UBE2O: variants seen among roughly 807,000 people sequenced by gnomAD.
UBE2O encodes the protein ubiquitin conjugating enzyme E2 O, also known as (E3-independent) E2 ubiquitin-conjugating enzyme.
UBE2O carries 15 observed loss-of-function variants against 125.8 expected under a neutral mutation model. The ratio of observed to expected loss-of-function variants is 0.12; its 90% CI spans 0.08 to 0.18. The LOEUF (loss-of-function observed/expected upper bound fraction) is 0.18, where lower values mean the gene tolerates loss of function less well. UBE2O is among the 10% of genes least tolerant of loss of function. UBE2O has a pLI of 1.00. For synonymous variants in UBE2O, 708 were observed against 703.2 expected, an observed-to-expected ratio of 1.01 and a Z score of -0.11; for missense variants, 1,280 against 1,723.6, an observed-to-expected ratio of 0.74 and a Z score of 4.56.
chr17:76,452,519 C>G lies in UBE2O; in HGVS notation c.417+206G>C, dbSNP rs2073268583. Among the ~76,000 whole-genome samples, 1 of 152,226 alleles carries G rather than the reference C, an allele frequency of 6.6e-6. No individual in the cohort carries two copies. The highest frequency in any genetic ancestry group is 1.5e-5 in the Non-Finnish European group (1 of 68,034). ...CGGGAAGCCCAGGGCCCGCCCGGTC[C>G]CGGGCCAGCAGTGCCTGGCTGGCGT... On this transcript the variant is annotated intron_variant, in intron 1 of 17. Transcript: ENST00000319380. This position sits in a 1 kb window ranked among gnomAD's most constrained non-coding sequence, Gnocchi z 4.4.
At chr17:76,401,798 C>T (rs1199057990) in intron 5 of UBE2O, 6 of 268,714 alleles carry the variant, frequency 2.2e-5, no homozygotes, top group Admixed American at 1.6e-4. Context: ...ATCACTTGAA[C>T]CCGGGAGGTG....
rs2072094921 is a variant in UBE2O, at chr17:76,390,814, T to C, written c.*129A>G. The C allele has an allele frequency of 2.2e-6, 2 of 912,472 alleles. No homozygotes were observed. Among genetic ancestry groups the C allele is most frequent in the Non-Finnish European group, 3.3e-6 (2 of 613,012 alleles). The allele number at this position is 912,472 out of a possible 1,614,324, so 56.5% of individuals were successfully genotyped here. A position where few individuals can be genotyped will look rare whatever the true frequency, so the allele number is the denominator to read the frequency against. On this transcript the variant is annotated 3_prime_UTR_variant, in exon 18 of 18. Transcript: ENST00000319380. The stretch of plus-strand genomic sequence containing the variant: ...TTGCACTTCAGCATCAAACTCACCT[T>C]GGGGAGAAGAGGGCAGTGGGTTTGC...
intron 1 of UBE2O, among the ~76,000 whole-genome samples, chr17:76,424,207 C>A (rs1002621147): frequency 2.8e-5 from 3 of 105,288 alleles, no homozygotes; most frequent in African/African-American, 1.1e-4. Flanking sequence ...CGCGCCCGGC[C>A]TTTTTTTTTT....
intron 1 of UBE2O, among the ~76,000 whole-genome samples, chr17:76,414,105 C>G (rs1013081215): frequency 2.0e-5 from 3 of 152,126 alleles, no homozygotes; most frequent in Non-Finnish European, 4.4e-5. Flanking sequence ...GTTTTACCAG[C>G]AAAGCACAAA....
intron 1 of UBE2O, among the ~76,000 whole-genome samples, chr17:76,419,283 C>CAAAAAAAAAAAAAAAAAAAAA: frequency 1.6e-5 from 1 of 63,286 alleles, no homozygotes. Context: ...GACCCTATCT[C>CAAAAAAAAAAAAAAAAAAAAA]AAAAAAAAAA....
At chr17:76,445,114 T>C (rs937814157) in intron 1 of UBE2O, among the ~76,000 whole-genome samples, 1 of 152,340 alleles carries the variant, frequency 6.6e-6, no homozygotes, top group South Asian at 2.1e-4. Context: ...CCAGCTCTCT[T>C]GCAGGATGCA....
chr17:76,441,394 T>C, intron 1 of UBE2O, among the ~76,000 whole-genome samples: 1 of 152,230 alleles, frequency 6.6e-6, no homozygotes, highest in East Asian at 1.9e-4. Context: ...GAGGCAAGCC[T>C]TTCTAACACT....
At chr17:76,425,964 T>C (rs1221040367) in intron 1 of UBE2O, among the ~76,000 whole-genome samples, 5 of 152,100 alleles carry the variant, frequency 3.3e-5, no homozygotes, top group Non-Finnish European at 5.9e-5. Context: ...ACTCCTTCTA[T>C]CTCCTCCCCA....
intron 1 of UBE2O, among the ~76,000 whole-genome samples, chr17:76,435,689 A>G (rs2072985490): frequency 6.6e-6 from 1 of 152,112 alleles, no homozygotes; most frequent in Admixed American, 6.6e-5. Flanking sequence ...ACACTAAGCA[A>G]TCACAGGTCT....
chr17:76,424,211 T>TTC (rs1555608586), intron 1 of UBE2O, among the ~76,000 whole-genome samples: 4 of 146,236 alleles, frequency 2.7e-5, no homozygotes, highest in African/African-American at 1.0e-4. Flanking sequence ...CCCGGCCTTT[T>TTC]TTTTTTTTTT....
In UBE2O at chr17:76,402,514, T is replaced by C; in HGVS notation, c.686+88A>G. 3 of 1,143,930 alleles carry C rather than the reference T, an allele frequency of 2.6e-6. No homozygotes were observed. The highest frequency in any genetic ancestry group is 2.5e-5 in the South Asian group (2 of 78,838). The allele number at this position is 1,143,930 out of a possible 1,614,324, so 70.9% of individuals were successfully genotyped here. ...TGCCCTTGATCAAACCTGTCATCAC[T>C]GTCCCCAGGAGGAAACACCCTCCTC... On this transcript the variant is annotated intron_variant, in intron 4 of 17. Transcript: ENST00000319380. The surrounding 1 kb of genome is among the most constrained non-coding windows in gnomAD (Gnocchi z 5.4).
Position 76,395,994 on chromosome 17 carries a change from A to G in UBE2O, c.2810-133T>C, listed in dbSNP as rs763228276. 2.9e-5 allele frequency: 43 copies of G among 1,503,734 alleles called. No individual in the cohort carries two copies. Among genetic ancestry groups the G allele is most frequent in the African/African-American group, 4.2e-5 (3 of 71,936 alleles). The allele number at this position is 1,503,734 out of a possible 1,614,324, so 93.1% of individuals were successfully genotyped here. A position where few individuals can be genotyped will look rare whatever the true frequency, so the allele number is the denominator to read the frequency against. ...GCTGGCCTCAGCACTGTGACCACAC[A>G]GGGAAATGGTTTGCCCTGGGGCAGT... On this transcript the variant is annotated intron_variant, in intron 14 of 17. Transcript: ENST00000319380. This position sits in a 1 kb window ranked among gnomAD's most constrained non-coding sequence, Gnocchi z 5.0.
chr17:76,411,531 C>A (rs2143759238), intron 1 of UBE2O, among the ~76,000 whole-genome samples: 1 of 152,332 alleles, frequency 6.6e-6, no homozygotes, highest in South Asian at 2.1e-4. Context: ...GCACTTACAG[C>A]TCAAGGCTGG....
At chr17:76,416,202 G>GTATGTATATGTATATGTGTATATA (rs2072614118) in intron 1 of UBE2O, among the ~76,000 whole-genome samples, 1 of 151,440 alleles carries the variant, frequency 6.6e-6, no homozygotes, top group African/African-American at 2.4e-5. Context: ...ATGTGTATAT[G>GTATGTATATGTATATGTGTATATA]TGTGTGTATA....
Position 76,402,634 on chromosome 17 carries a change from G to A in UBE2O, c.654C>T (p.Asn218=), listed in dbSNP as rs765845761. 1 of 1,614,130 alleles carries A rather than the reference G, an allele frequency of 6.2e-7. No homozygotes were observed. Among genetic ancestry groups the A allele is most frequent in the Admixed American group, 1.7e-5 (1 of 60,022 alleles). Residue 218 remains asparagine (N), a synonymous_variant, in exon 4 of 18, where the codon AAC becomes AAT. Coordinates refer to ENST00000319380, the MANE Select transcript of UBE2O (RefSeq NM_022066.4). This position sits in a 1 kb window ranked among gnomAD's most constrained non-coding sequence, Gnocchi z 5.4. ...CGTTGGATAGCTTCAGGATGATCTG[G>A]TTCTTCAAGTCGTAGACCTTCCCCA... ...CWLGKVYDLK[N]QIILKLSNGA...
rs2072288983 is a variant in UBE2O at position 76,399,956 on chromosome 17, G to C, written c.1156-35C>G. On this transcript the variant is annotated intron_variant, in intron 8 of 17. Transcript: ENST00000319380. The surrounding 1 kb of genome is among the most constrained non-coding windows in gnomAD (Gnocchi z 6.9). The stretch of plus-strand genomic sequence containing the variant: ...CGGAGCAGAGAGGACAGGGCTGTGA[G>C]GTGCACCTGGGCAGGCCTGGCCCTA... 6.4e-7 allele frequency: 1 copy of C among 1,567,976 alleles called. No individual in the cohort carries two copies. Among genetic ancestry groups the C allele is most frequent in the Non-Finnish European group, 8.6e-7 (1 of 1,156,834 alleles).
chr17:76,398,754 T>C lies in UBE2O; in HGVS notation c.1783+83A>G. The stretch of plus-strand genomic sequence containing the variant: ...ACCTCATTTTAGCTCTGACCCCAGA[T>C]CCACTGCCCATTCTCCACAAGCCCC... On this transcript the variant is annotated intron_variant, in intron 10 of 17. Coordinates refer to ENST00000319380, the MANE Select transcript of UBE2O (RefSeq NM_022066.4). This position sits in a 1 kb window ranked among gnomAD's most constrained non-coding sequence, Gnocchi z 5.4. 1 of 1,552,210 alleles carries C rather than the reference T, an allele frequency of 6.4e-7. No individual in the cohort carries two copies.
rs746848324 is a variant in UBE2O at position 76,391,054 on chromosome 17, G to A, written c.3768C>T (p.Phe1256=). ...PEKSGYPDIG[F]PLFPLSKGFI... Reference sequence around the variant, plus strand: ...AACCCTTGGAAAGTGGGAAGAGGGGGAAGCCGATGTCAGGGTAGCCACTCT... The same window carrying A: ...AACCCTTGGAAAGTGGGAAGAGGGGAAAGCCGATGTCAGGGTAGCCACTCT... The change falls in exon 18 of 18, where the codon TTC becomes TTT. Residue 1256 remains phenylalanine, a synonymous_variant. Coordinates refer to ENST00000319380, the MANE Select transcript of UBE2O (RefSeq NM_022066.4). This position sits in a 1 kb window ranked among gnomAD's most constrained non-coding sequence, Gnocchi z 8.4. 5.6e-6 allele frequency: 9 copies of A among 1,613,812 alleles called. No individual in the cohort carries two copies. Among genetic ancestry groups the A allele is most frequent in the South Asian group, 1.1e-5 (1 of 91,088 alleles).
intron 1 of UBE2O, among the ~76,000 whole-genome samples, chr17:76,422,120 A>T (rs1028357456): frequency 3.3e-5 from 5 of 152,148 alleles, no homozygotes; most frequent in Non-Finnish European, 7.4e-5. Context: ...AAGTAATGGG[A>T]CGTGTGCTAA....
Sources: gnomAD v4.1 joint callset for allele counts (sites outside exome capture counted in the v4.1 genomes callset) on GRCh38, gnomAD v4.1.1 for gene constraint, Gnocchi (gnomAD v3.1) non-coding constraint, MANE v1.5 for transcripts, NCBI Gene and HGNC (gene_info 2026-07-23, HGNC 2026-07-21) for gene names.